Variants in ERGIC2 observed in about 807,000 individuals in gnomAD.
ERGIC2 encodes endoplasmic reticulum-Golgi intermediate compartment protein 2.
ERGIC2 carries 31 observed loss-of-function variants against 52.5 expected under a neutral mutation model. The ratio of observed to expected loss-of-function variants is 0.59; its 90% confidence interval spans 0.44 to 0.80. The LOEUF (loss-of-function observed/expected upper bound fraction) is 0.80, where lower values mean the gene tolerates loss of function less well. Ranked by LOEUF, ERGIC2 falls within the 30% of genes least tolerant of loss-of-function variation. The pLI, the probability that ERGIC2 is intolerant of heterozygous loss-of-function variation, is 0.00. For synonymous variants in ERGIC2, 129 were observed against 140.6 expected (o/e 0.92, Z 0.58); for missense variants, 395 against 455.2 (o/e 0.87, Z 1.20).
intron 1 of ERGIC2, among the ~76,000 whole-genome samples, chr12:29,371,882 A>T (rs1940445914): frequency 6.6e-6 from 1 of 152,184 alleles, no homozygotes; most frequent in South Asian, 2.1e-4. Flanking sequence ...ATACAAAAAC[A>T]CATTATATAG....
intron 8 of ERGIC2, among the ~76,000 whole-genome samples, chr12:29,355,184 T>A (rs1019435736): frequency 1.3e-5 from 2 of 152,160 alleles, no homozygotes; most frequent in African/African-American, 2.4e-5. Context: ...ACTTGCAGCG[T>A]ACATTTAATA....
At chr12:29,378,305 T>C (rs1940541534) in intron 1 of ERGIC2, among the ~76,000 whole-genome samples, 1 of 152,178 alleles carries the variant, frequency 6.6e-6, no homozygotes, top group African/African-American at 2.4e-5. Flanking sequence ...GATTCTTTCC[T>C]AGAGTCTTCA....
rs1783787419 is a variant in ERGIC2, at chr12:29,338,604, A to T, written c.*2552T>A. 6.6e-6 allele frequency: 1 copy of T among 152,164 alleles called. No individual in the cohort carries two copies. Among genetic ancestry groups the T allele is most frequent in the Admixed American group, 6.6e-5 (1 of 15,260 alleles). 9.4% of individuals were successfully genotyped at this position (152,164 alleles called of 1,614,324 possible). On this transcript the variant is annotated 3_prime_UTR_variant, in exon 14 of 14. Coordinates refer to ENST00000360150, the MANE Select transcript of ERGIC2 (RefSeq NM_016570.3). ...GGATGCAGTGAGTTACAATCATGCC[A>T]CTGCACTTCAGCCTGGGCAACAGTG...
Position 29,364,364 on chromosome 12 carries a change from C to A in ERGIC2, c.333+2513G>T, listed in dbSNP as rs185701469. On this transcript the variant is annotated intron_variant, in intron 5 of 13. Transcript: ENST00000360150. The stretch of plus-strand genomic sequence containing the variant: ...AAAAATAAGCAATGGAGAAAGGACT[C>A]TCTATTCAATAAATGGTGCTGGGAG... Among the ~76,000 whole-genome samples, 202 of 152,184 alleles carry A rather than the reference C, an allele frequency of 1.3e-3. 1 individual carries two copies. The East Asian group carries it at 0.013, about 10-fold the overall frequency.
chr12:29,354,143 T>A (rs1940171621), intron 8 of ERGIC2, among the ~76,000 whole-genome samples: 3 of 152,182 alleles, frequency 2.0e-5, no homozygotes, highest in Admixed American at 2.0e-4. Flanking sequence ...TGCCTGACTT[T>A]CAAATGTTCT....
rs1250829654 is a variant in ERGIC2 at position 29,339,950 on chromosome 12, T to C, written c.*1206A>G. 6.6e-6 allele frequency: 1 copy of C among 152,154 alleles called. No homozygotes were observed. The highest frequency in any genetic ancestry group is 1.5e-5 in the Non-Finnish European group (1 of 68,000). 9.4% of individuals were successfully genotyped at this position (152,154 alleles called of 1,614,324 possible). On this transcript the variant is annotated 3_prime_UTR_variant, in exon 14 of 14. Coordinates refer to ENST00000360150, the MANE Select transcript of ERGIC2 (RefSeq NM_016570.3). ...CAGTACTACAAAAGGAAAACTGATATTGGTACACATATTCCAAATACAGCT... is the reference window on the plus strand; with the variant it reads ...CAGTACTACAAAAGGAAAACTGATACTGGTACACATATTCCAAATACAGCT...
intron 5 of ERGIC2, 97 bp downstream of exon 5, chr12:29,366,779 TA>T (rs1940368321): frequency 8.1e-6 from 5 of 618,486 alleles, no homozygotes; most frequent in Non-Finnish European, 1.1e-5. Context: ...AGAATTATAC[TA>T]AAAACTATTT....
At chr12:29,380,979 G>C (rs1416052622) in intron 1 of ERGIC2, 136 bp downstream of exon 1, 1 of 152,260 alleles carries the variant, frequency 6.6e-6, no homozygotes, top group Non-Finnish European at 1.5e-5. Context: ...TTCTCCGTCC[G>C]ACCGGCTCTC....
intron 6 of ERGIC2, among the ~76,000 whole-genome samples, chr12:29,358,083 T>G (rs150576247): frequency 5.7e-4 from 87 of 152,316 alleles, no homozygotes; most frequent in Middle Eastern, 6.8e-3. Flanking sequence ...AATGAAATAT[T>G]GTAGATACAA....
intron 8 of ERGIC2, among the ~76,000 whole-genome samples, chr12:29,350,846 T>C (rs1234715251): frequency 6.6e-6 from 1 of 152,120 alleles, no homozygotes; most frequent in Non-Finnish European, 1.5e-5. Flanking sequence ...CAGCAAACGC[T>C]ATCAAGGCAT....
chr12:29,342,214 T>C (rs987514768), intron 12 of ERGIC2, among the ~76,000 whole-genome samples: 7 of 152,200 alleles, frequency 4.6e-5, no homozygotes, highest in Admixed American at 6.5e-5. Context: ...GGTTTAGCCA[T>C]GTTGGCCAGG....
At chr12:29,354,831 A>G (rs1475419794) in intron 8 of ERGIC2, among the ~76,000 whole-genome samples, 4 of 152,208 alleles carry the variant, frequency 2.6e-5, no homozygotes, top group African/African-American at 9.7e-5. Context: ...TGTGGACTAG[A>G]ATATTGTTTG....
At chr12:29,379,479 G>C (rs1300505959) in intron 1 of ERGIC2, among the ~76,000 whole-genome samples, 2 of 152,156 alleles carry the variant, frequency 1.3e-5, no homozygotes. Context: ...AATCAATCTG[G>C]AGTTCAGAAA....
intron 10 of ERGIC2, among the ~76,000 whole-genome samples, chr12:29,348,284 T>G (rs1424743068): frequency 6.6e-6 from 1 of 152,108 alleles, no homozygotes; most frequent in East Asian, 1.9e-4. Context: ...CTGAATAGGA[T>G]ATTAATAAAT....
intron 6 of ERGIC2, among the ~76,000 whole-genome samples, chr12:29,357,967 T>C (rs983448658): frequency 2.4e-4 from 36 of 152,244 alleles, no homozygotes; most frequent in Non-Finnish European, 4.7e-4. Flanking sequence ...GTAATGGATG[T>C]GCCATCAGGA....
chr12:29,339,212 T>C lies in ERGIC2; in HGVS notation c.*1944A>G, dbSNP rs1385030873. The C allele has an allele frequency of 6.6e-6, 1 of 152,196 alleles. No homozygotes were observed. Among genetic ancestry groups the C allele is most frequent in the South Asian group, 2.1e-4 (1 of 4,836 alleles). The allele number at this position is 152,196 out of a possible 1,614,324, so 9.4% of individuals were successfully genotyped here. A position where few individuals can be genotyped will look rare whatever the true frequency, so the allele number is the denominator to read the frequency against. On this transcript the variant is annotated 3_prime_UTR_variant, in exon 14 of 14. Coordinates refer to ENST00000360150, the MANE Select transcript of ERGIC2 (RefSeq NM_016570.3). Reference sequence around the variant, plus strand: ...TCATAGGAGATAAATTTCATTAAAATTTTAATATGGTATTTGGAAAATACG... The same window carrying C: ...TCATAGGAGATAAATTTCATTAAAACTTTAATATGGTATTTGGAAAATACG...
chr12:29,378,097 A>G (rs542435992), intron 1 of ERGIC2, among the ~76,000 whole-genome samples: 1 of 152,328 alleles, frequency 6.6e-6, no homozygotes, highest in East Asian at 1.9e-4. Flanking sequence ...TCTTTCAGAT[A>G]TAACTAATTA....
At chr12:29,349,941 C>T in intron 9 of ERGIC2, 72 bp downstream of exon 9, 1 of 911,630 alleles carries the variant, frequency 1.1e-6, no homozygotes, top group Middle Eastern at 2.9e-4. Context: ...TTCAACTACA[C>T]TATATCTGCA....
At chr12:29,341,245 A>G in intron 13 of ERGIC2, 27 bp from the exon 14 acceptor site, 1 of 1,565,568 alleles carries the variant, frequency 6.4e-7, no homozygotes, top group Non-Finnish European at 8.7e-7. Flanking sequence ...GGAAAAAAAG[A>G]CCAAAGAATT....
Sources: allele counts gnomAD v4.1 joint callset (sites outside exome capture counted in the v4.1 genomes callset), GRCh38; gene constraint gnomAD v4.1.1; transcripts MANE v1.5; gene names NCBI Gene and HGNC (gene_info 2026-07-23, HGNC 2026-07-21).